Variants in AHDC1 observed in about 807,000 individuals in gnomAD.
AHDC1 encodes the protein transcription factor Gibbin.
A neutral mutation model predicts 87.9 loss-of-function variants in AHDC1; 7 were observed. The ratio of observed to expected loss-of-function variants is 0.08; its 90% confidence interval spans 0.05 to 0.15. The LOEUF is 0.15. Ranked by LOEUF, AHDC1 falls within the 10% of genes least tolerant of loss-of-function variation. The pLI, the probability that AHDC1 is intolerant of heterozygous loss-of-function variation, is 1.00. For missense variants in AHDC1, 1,841 were observed against 2,253.2 expected (o/e 0.82, Z 3.70); for synonymous variants, 1,051 against 1,006.8 (o/e 1.04, Z -0.83).
intron 3 of AHDC1, among the ~76,000 whole-genome samples, chr1:27,572,672 G>A (rs1283600271): frequency 6.6e-6 from 1 of 152,172 alleles, no homozygotes; most frequent in Non-Finnish European, 1.5e-5. Flanking sequence ...GCAAAACCAC[G>A]CAGTGTGGGA....
Position 27,551,774 on chromosome 1 carries a change from C to G in AHDC1, c.342G>C (p.Gly114=). ...GCACCACTGGTCGCAGGTTCACCCG[C>G]CCGTTGTCCCAGCAGCGTCGGGAGC... is the stretch of plus-strand genomic sequence containing the variant. ...GSSSRRCWDN[G]RVNLRPVVQL... The change falls in exon 8 of 9, where the codon GGG becomes GGC. Residue 114 remains glycine, a synonymous_variant. Transcript: ENST00000673934. The G allele has an allele frequency of 6.2e-7, 1 of 1,613,570 alleles. No individual in the cohort carries two copies. The highest frequency in any genetic ancestry group is 1.6e-4 in the Middle Eastern group (1 of 6,062).
Position 27,549,342 on chromosome 1 carries a change from C to T in AHDC1, c.2774G>A (p.Arg925Gln), listed in dbSNP as rs1320457904. Residue 925 changes from arginine (R) to glutamine (Q), a missense_variant, in exon 8 of 9, where the codon CGA becomes CAA. Arg to Gln is a conservative substitution (Grantham distance 43). Around this residue, in one of 13 missense-constraint regions of AHDC1, gnomAD observed 378 missense variants for 399.0 expected, o/e 0.95. Coordinates refer to ENST00000673934, the MANE Select transcript of AHDC1 (RefSeq NM_001371928.1). Reference protein sequence around the residue: ...LSARQTFPPGRAASYGLTPAA... With the variant: ...LSARQTFPPGQAASYGLTPAA... Reference sequence around the variant, plus strand: ...TGGAGTTAGCCCATAGCTTGCTGCTCGTCCTGGTGGGAAGGTCTGGCGCGC... The same window carrying T: ...TGGAGTTAGCCCATAGCTTGCTGCTTGTCCTGGTGGGAAGGTCTGGCGCGC... The T allele has an allele frequency of 5.6e-6, 9 of 1,611,558 alleles. No individual in the cohort carries two copies. Among genetic ancestry groups the T allele is most frequent in the Admixed American group, 3.3e-5 (2 of 59,960 alleles).
Position 27,562,299 on chromosome 1 carries a change from C to T in AHDC1, c.-628-3416G>A, listed in dbSNP as rs577983478. ...AACAGGCCCGAATAGTGCTGACTTGCGGTTCAGAAATCCAATATCCTCCCC... is the reference window on the plus strand; with the variant it reads ...AACAGGCCCGAATAGTGCTGACTTGTGGTTCAGAAATCCAATATCCTCCCC... On this transcript the variant is annotated intron_variant, in intron 3 of 8. Coordinates refer to ENST00000673934, the MANE Select transcript of AHDC1 (RefSeq NM_001371928.1). This position sits in a 1 kb window ranked among gnomAD's most constrained non-coding sequence, Gnocchi z 4.4. 2.6e-5 allele frequency among the ~76,000 whole-genome samples: 4 copies of T among 152,132 alleles called. No homozygotes were observed. Among genetic ancestry groups the T allele is most frequent in the Admixed American group, 6.5e-5 (1 of 15,288 alleles).
chr1:27,589,201 C>G (rs2089153340), intron 3 of AHDC1, among the ~76,000 whole-genome samples: 1 of 152,130 alleles, frequency 6.6e-6, no homozygotes, highest in Non-Finnish European at 1.5e-5. Flanking sequence ...TACCATGTCC[C>G]TAGGCAGGGA....
In AHDC1 at chr1:27,547,665, C is replaced by A. The variant is rs757845373; in HGVS notation, c.4451G>T (p.Gly1484Val). ...ARSPPYEGKV[G>V]TGLLADFLGR... ...CAGGAAGTCAGCCAGCAGCCCTGTA[C>A]CCACCTTGCCTTCATAGGGCGGGCT... Residue 1484 changes from glycine (G) to valine (V), a missense_variant, in exon 8 of 9, where the codon GGT becomes GTT. This residue lies in a region of AHDC1 where 505 missense variants were observed against 626.2 expected (regional missense o/e 0.81). Transcript: ENST00000673934. The surrounding 1 kb of genome is among the most constrained non-coding windows in gnomAD (Gnocchi z 4.9). The A allele has an allele frequency of 1.9e-6, 3 of 1,595,738 alleles. No individual in the cohort carries two copies. The South Asian group carries it at 3.4e-5, about 18-fold the overall frequency.
At chr1:27,586,067 G>A (rs1295592656) in intron 3 of AHDC1, among the ~76,000 whole-genome samples, 1 of 152,194 alleles carries the variant, frequency 6.6e-6, no homozygotes. Context: ...GGGGGAGAGG[G>A]GAAAGGAGCT....
In AHDC1 at chr1:27,598,235, G is replaced by C. The variant is rs956007342; in HGVS notation, c.-629+5162C>G. 6.6e-6 allele frequency among the ~76,000 whole-genome samples: 1 copy of C among 152,220 alleles called. No homozygotes were observed. The highest frequency in any genetic ancestry group is 1.5e-5 in the Non-Finnish European group (1 of 68,042). On this transcript the variant is annotated intron_variant, in intron 3 of 8. Transcript: ENST00000673934. The surrounding 1 kb of genome is among the most constrained non-coding windows in gnomAD (Gnocchi z 4.2). ...AGCAGCCCCTCCCCTGGGCTCCCAG[G>C]CCAAGGACCCCAGAGCAGAAGAGGA...
rs998266446 is a variant in AHDC1 at position 27,598,024 on chromosome 1, A to G, written c.-629+5373T>C. On this transcript the variant is annotated intron_variant, in intron 3 of 8. Coordinates refer to ENST00000673934, the MANE Select transcript of AHDC1 (RefSeq NM_001371928.1). The surrounding 1 kb of genome is among the most constrained non-coding windows in gnomAD (Gnocchi z 4.2). ...GGTGTCTCTGTCCATCTGTTTCACC[A>G]CCCATCTGTCTGGCTGTCTGTGTTA... Among the ~76,000 whole-genome samples the G allele has an allele frequency of 1.3e-5, 2 of 151,808 alleles. No individual in the cohort carries two copies. Among genetic ancestry groups the G allele is most frequent in the Admixed American group, 6.6e-5 (1 of 15,254 alleles).
intron 8 of AHDC1, among the ~76,000 whole-genome samples, chr1:27,539,728 G>A (rs759038550): frequency 7.2e-5 from 11 of 152,208 alleles, no homozygotes; most frequent in Admixed American, 6.5e-4. Flanking sequence ...ACAGGCGTGA[G>A]CCACCGCACC....
At chr1:27,546,540 G>A (rs1421011763) in intron 8 of AHDC1, among the ~76,000 whole-genome samples, 3 of 152,240 alleles carry the variant, frequency 2.0e-5, no homozygotes, top group African/African-American at 7.2e-5. Flanking sequence ...CAGGTTTGCA[G>A]GGACAGTGGG....
At chr1:27,573,775 C>T (rs2088618668) in intron 3 of AHDC1, among the ~76,000 whole-genome samples, 1 of 152,182 alleles carries the variant, frequency 6.6e-6, no homozygotes, top group African/African-American at 2.4e-5. Flanking sequence ...TAGATCTCTG[C>T]CAGGAAGCCT....
intron 8 of AHDC1, among the ~76,000 whole-genome samples, chr1:27,538,434 T>C (rs954686820): frequency 7.1e-6 from 1 of 141,026 alleles, no homozygotes; most frequent in African/African-American, 2.7e-5. Flanking sequence ...AAAGAAAAAG[T>C]GCATTAGAAT....
chr1:27,588,793 C>T (rs867985545), intron 3 of AHDC1, among the ~76,000 whole-genome samples: 4 of 152,114 alleles, frequency 2.6e-5, no homozygotes, highest in Non-Finnish European at 4.4e-5. Flanking sequence ...GGGCTGTGTA[C>T]GCATGCCATG....
rs2020295103 is a variant in AHDC1 at position 27,565,851 on chromosome 1, A to G, written c.-628-6968T>C. Among the ~76,000 whole-genome samples the G allele has an allele frequency of 6.6e-6, 1 of 152,204 alleles. No individual in the cohort carries two copies. Among genetic ancestry groups the G allele is most frequent in the South Asian group, 2.1e-4 (1 of 4,836 alleles). On this transcript the variant is annotated intron_variant, in intron 3 of 8. Coordinates refer to ENST00000673934, the MANE Select transcript of AHDC1 (RefSeq NM_001371928.1). The surrounding 1 kb of genome is among the most constrained non-coding windows in gnomAD (Gnocchi z 4.6). ...ACCCTGGGCTAGTGGAAGGTAGACT[A>G]GATGGATGGAGCCCATCCCCTAAAA...
chr1:27,579,044 CTTT>C (rs367554284), intron 3 of AHDC1, among the ~76,000 whole-genome samples: 4 of 133,290 alleles, frequency 3.0e-5, no homozygotes, highest in Non-Finnish European at 1.6e-5. Context: ...TGTTCTAAAT[CTTT>C]TTTTTTTTTT....
intron 8 of AHDC1, among the ~76,000 whole-genome samples, chr1:27,539,424 C>A (rs112818690): frequency 7.2e-4 from 109 of 151,350 alleles, no homozygotes; most frequent in African/African-American, 2.5e-3. Flanking sequence ...GCGTGGTGAG[C>A]CACCATGCCA....
chr1:27,548,027 G>T lies in AHDC1; in HGVS notation c.4089C>A (p.Phe1363Leu). The stretch of plus-strand genomic sequence containing the variant: ...CACCCAGGCTGGGCGAGTCGCAGTG[G>T]AAGCCTTGGCCAAAGGTGCCATCGG... ...TPSDGTFGQG[F>L]HCDSPSLGAP... Residue 1363 changes from phenylalanine to leucine, a missense_variant, in exon 8 of 9, where the codon TTC becomes TTA. By Grantham distance (22) the Phe-to-Leu change is conservative. Around this residue, in one of 13 missense-constraint regions of AHDC1, gnomAD observed 505 missense variants for 626.2 expected, o/e 0.81. Coordinates refer to ENST00000673934, the MANE Select transcript of AHDC1 (RefSeq NM_001371928.1). 1 of 1,611,584 alleles carries T rather than the reference G, an allele frequency of 6.2e-7. No homozygotes were observed. The highest frequency in any genetic ancestry group is 8.5e-7 in the Non-Finnish European group (1 of 1,178,080).
At chr1:27,591,472 C>T (rs969080379) in intron 3 of AHDC1, among the ~76,000 whole-genome samples, 82 of 152,320 alleles carry the variant, frequency 5.4e-4, no homozygotes, top group African/African-American at 1.9e-3. Flanking sequence ...GACCACCTTT[C>T]GGCTCACCCC....
Position 27,589,206 on chromosome 1 carries a change from C to T in AHDC1, c.-629+14191G>A, listed in dbSNP as rs1402077729. 2.0e-5 allele frequency among the ~76,000 whole-genome samples: 3 copies of T among 152,128 alleles called. No homozygotes were observed. In the East Asian group the frequency reaches 5.8e-4, roughly 29 times the overall value. ...GGCGCCAGATTACCATGTCCCTAGG[C>T]AGGGAGGTCGAGGACGAGGCCCAGA... On this transcript the variant is annotated intron_variant, in intron 3 of 8. Coordinates refer to ENST00000673934, the MANE Select transcript of AHDC1 (RefSeq NM_001371928.1).
Sources: gnomAD v4.1 joint callset for allele counts (sites outside exome capture counted in the v4.1 genomes callset) on GRCh38, gnomAD v4.1.1 for gene constraint, gnomAD v4.1.1 regional missense constraint, Gnocchi (gnomAD v3.1) non-coding constraint, MANE v1.5 for transcripts, NCBI Gene and HGNC (gene_info 2026-07-23, HGNC 2026-07-21) for gene names.